ADAMTS9: variants seen among roughly 807,000 people sequenced by gnomAD.
ADAMTS9 encodes ADAM metallopeptidase with thrombospondin type 1 motif 9, also known as A disintegrin and metalloproteinase with thrombospondin motifs 9.
In ADAMTS9, 107 loss-of-function variants were observed where a neutral mutation model predicts 257.1. The observed-to-expected ratio is 0.42, with a 90% CI of 0.36 to 0.49. The LOEUF is 0.49. Among genes scored for constraint, ADAMTS9 ranks in the 20% least tolerant of loss-of-function variants. The pLI is 0.03. For synonymous variants in ADAMTS9, 982 were observed against 880.9 expected (o/e 1.11, Z -2.03); for missense variants, 2,353 against 2,469.1 (o/e 0.95, Z 1.00).
chr3:64,615,919 G>C (rs377440432), intron 20 of ADAMTS9, 41 bp downstream of exon 20: 4 of 1,608,932 alleles, frequency 2.5e-6, no homozygotes, highest in Non-Finnish European at 3.4e-6. Context: ...CAACTAATCA[G>C]ACAGCATCCA....
At position 64,551,029 on chromosome 3, in the gene ADAMTS9, G is replaced by A. The variant is rs1485575044; in HGVS notation, c.4732C>T (p.Arg1578Cys). 3 of 1,613,990 alleles carry A rather than the reference G, an allele frequency of 1.9e-6. No homozygotes were observed. The highest frequency in any genetic ancestry group is 1.3e-5 in the African/African-American group (1 of 74,924). ...TKTCGEGSRY[R>C]KVVCVDDNKN... Reference sequence around the variant, plus strand: ...TTGTCATCCACACACACCACCTTGCGGTACCTGGAGCCTTCGCCGCAGGTC... The same window carrying A: ...TTGTCATCCACACACACCACCTTGCAGTACCTGGAGCCTTCGCCGCAGGTC... The change falls in exon 31 of 40, where the codon CGC (arginine) becomes TGC (cysteine). Residue 1578 changes from arginine (R) to cysteine (C), a missense_variant. By Grantham distance (180) the Arg-to-Cys change is radical. This residue lies in a region of ADAMTS9 where 1,402 missense variants were observed against 1,441.4 expected (regional missense o/e 0.97). Coordinates refer to ENST00000498707, the MANE Select transcript of ADAMTS9 (RefSeq NM_182920.2).
intron 39 of ADAMTS9, among the ~76,000 whole-genome samples, chr3:64,521,325 A>G (rs1280411585): frequency 6.6e-6 from 1 of 152,146 alleles, no homozygotes; most frequent in African/African-American, 2.4e-5. Flanking sequence ...GCAGAGAAAA[A>G]TGGAATACAC....
At position 64,526,820 on chromosome 3, in the gene ADAMTS9, A is replaced by T. The variant is rs78576249; in HGVS notation, c.5719-4560T>A. The stretch of plus-strand genomic sequence containing the variant: ...AGGAGATAATGCATGTAATGTGCTT[A>T]GCATAGTACTTGGCCTAATATATGT... On this transcript the variant is annotated intron_variant, in intron 38 of 39. Coordinates refer to ENST00000498707, the MANE Select transcript of ADAMTS9 (RefSeq NM_182920.2). Among the ~76,000 whole-genome samples the T allele has an allele frequency of 6.4e-3, 978 of 152,328 alleles. 6 individuals are homozygous for T. Among genetic ancestry groups the T allele is most frequent in the Non-Finnish European group, 0.011 (765 of 68,020 alleles).
chr3:64,541,426 T>C lies in ADAMTS9; in HGVS notation c.5293-12A>G, dbSNP rs2083120302. ...CCCGCACAGAATATCTGAAAGACCA[T>C]AAATAACCCATGAAGAGTGGCTCAG... is the stretch of plus-strand genomic sequence containing the variant. On this transcript the variant is annotated splice_polypyrimidine_tract_variant and intron_variant, in intron 34 of 39. Transcript: ENST00000498707. The C allele has an allele frequency of 8.1e-6, 13 of 1,613,570 alleles. No homozygotes were observed. Among genetic ancestry groups the C allele is most frequent in the Non-Finnish European group, 1.1e-5 (13 of 1,179,550 alleles).
intron 30 of ADAMTS9, among the ~76,000 whole-genome samples, chr3:64,551,737 C>A (rs1285574871): frequency 6.6e-6 from 1 of 152,196 alleles, no homozygotes; most frequent in Non-Finnish European, 1.5e-5. Flanking sequence ...GACATCAGTA[C>A]CTTCCCAGAT....
At position 64,648,013 on chromosome 3, in the gene ADAMTS9, A is replaced by G. The variant is rs1234399092; in HGVS notation, c.1637T>C (p.Val546Ala). ...CCGGCAGCCTTTGTGTACTCCATTG[A>G]CGTTATTGCACCAGAGCCGTCTGCA... ...MQCRRLWCNN[V>A]NGVHKGCRTQ... Residue 546 changes from valine (V) to alanine (A), a missense_variant, in exon 11 of 40, where the codon GTC becomes GCC. Transcript: ENST00000498707. 6.2e-7 allele frequency: 1 copy of G among 1,613,264 alleles called. No individual in the cohort carries two copies. Among genetic ancestry groups the G allele is most frequent in the South Asian group, 1.1e-5 (1 of 91,058 alleles).
chr3:64,661,942 G>A (rs757336612), intron 3 of ADAMTS9, among the ~76,000 whole-genome samples: 12 of 151,406 alleles, frequency 7.9e-5, no homozygotes, highest in South Asian at 2.1e-4. Flanking sequence ...CTCAAATCTC[G>A]ATTTCTTTTC....
Position 64,541,597 on chromosome 3 carries a change from C to T in ADAMTS9, c.5221G>A (p.Glu1741Lys). Residue 1741 changes from glutamate (E) to lysine (K), a missense_variant, in exon 34 of 40, where the codon GAG (glutamate) becomes AAG (lysine). This residue lies in a region of ADAMTS9 where 1,402 missense variants were observed against 1,441.4 expected (regional missense o/e 0.97). Coordinates refer to ENST00000498707, the MANE Select transcript of ADAMTS9 (RefSeq NM_182920.2). ...CTGGCACCTTTAAGTCTTTTTACCT[C>T]CTTGCAATTCTGGGGTAACTCACCT... ...YNCELPQNCK[E>K]VKRLKGASED... 1 of 1,614,074 alleles carries T rather than the reference C, an allele frequency of 6.2e-7. No homozygotes were observed. The highest frequency in any genetic ancestry group is 1.1e-5 in the South Asian group (1 of 91,082).
chr3:64,656,031 T>C, intron 4 of ADAMTS9, 156 bp from the exon 5 acceptor site: 1 of 527,998 alleles, frequency 1.9e-6, no homozygotes, highest in South Asian at 3.3e-5. Flanking sequence ...ACACTTTTTG[T>C]AAAGTCTCTT....
chr3:64,585,247 G>C (rs1202020817), intron 28 of ADAMTS9, among the ~76,000 whole-genome samples: 2 of 152,202 alleles, frequency 1.3e-5, no homozygotes, highest in Non-Finnish European at 1.5e-5. Flanking sequence ...AGCAAACACA[G>C]TCTGCTTTTT....
At chr3:64,642,932 G>C (rs1317739828) in intron 11 of ADAMTS9, among the ~76,000 whole-genome samples, 1 of 152,172 alleles carries the variant, frequency 6.6e-6, no homozygotes, top group African/African-American at 2.4e-5. Context: ...GAAGAGGTAG[G>C]TGAAGGTCTC....
chr3:64,681,420 A>G, intron 2 of ADAMTS9, 57 bp from the exon 3 acceptor site: 2 of 1,530,910 alleles, frequency 1.3e-6, no homozygotes, highest in South Asian at 2.5e-5. Flanking sequence ...TTGGGAGGAA[A>G]AAAACCAAAA....
intron 11 of ADAMTS9, among the ~76,000 whole-genome samples, chr3:64,644,755 G>T (rs1409056837): frequency 6.6e-6 from 1 of 152,094 alleles, no homozygotes; most frequent in Non-Finnish European, 1.5e-5. Flanking sequence ...TCAGTTTCTG[G>T]ATCTCTTTAT....
At chr3:64,609,793 A>G (rs1038461018) in intron 22 of ADAMTS9, among the ~76,000 whole-genome samples, 1 of 152,196 alleles carries the variant, frequency 6.6e-6, no homozygotes, top group East Asian at 1.9e-4. Flanking sequence ...TCAAATTCAT[A>G]TGGAATGACA....
At chr3:64,539,475 G>A (rs896322393) in intron 36 of ADAMTS9, among the ~76,000 whole-genome samples, 181 bp from the exon 37 acceptor site, 1 of 152,148 alleles carries the variant, frequency 6.6e-6, no homozygotes, top group Non-Finnish European at 1.5e-5. Flanking sequence ...GCTTTTTCCT[G>A]ATTATATTTG....
At chr3:64,518,019 A>G (rs1320534227) in intron 39 of ADAMTS9, among the ~76,000 whole-genome samples, 1 of 152,222 alleles carries the variant, frequency 6.6e-6, no homozygotes, top group Non-Finnish European at 1.5e-5. Context: ...AGAGCTAAAC[A>G]GAGATATTTT....
chr3:64,522,251 G>C lies in ADAMTS9; in HGVS notation c.5728C>G (p.Arg1910Gly). The C allele has an allele frequency of 6.2e-7, 1 of 1,613,922 alleles. No individual in the cohort carries two copies. Residue 1910 changes from arginine (R) to glycine (G), a missense_variant, in exon 39 of 40, where the codon CGA (arginine) becomes GGA (glycine). Physicochemically the swap from Arg to Gly is moderately radical, Grantham distance 125. Transcript: ENST00000498707. ...SDIKKSPDGT[R>G]VVGKCGGYCG... ...TAACCACCGCATTTCCCTACGACTC[G>C]GGTACCATCCTGCAAGGAGATGCAT...
In ADAMTS9 at chr3:64,594,320, C is replaced by T; in HGVS notation, c.4294G>A (p.Glu1432Lys). The change falls in exon 28 of 40, where the codon GAG becomes AAG. Residue 1432 changes from glutamate (E) to lysine (K), a missense_variant. Physicochemically the swap from Glu to Lys is moderately conservative, Grantham distance 56 (BLOSUM62 1). Transcript: ENST00000498707. ...CEILDKPPDR[E>K]QCNTHACPHD... ...GGACAAGCATGTGTGTTACACTGCT[C>T]ACGATCGGGAGGTTTATCAAGAATT... 1.2e-6 allele frequency: 2 copies of T among 1,612,874 alleles called. No individual in the cohort carries two copies. The highest frequency in any genetic ancestry group is 1.7e-6 in the Non-Finnish European group (2 of 1,179,606).
In ADAMTS9 at chr3:64,654,458, C is replaced by T; in HGVS notation, c.1211G>A (p.Gly404Asp). The stretch of plus-strand genomic sequence containing the variant: ...ACAAATGGTTCCCAGTTCAGCCAGG[C>T]CTATTAGAAGGAAAAAAACCAACAA... ...CRAHDKCDTL[G>D]LAELGTICDP... The change falls in exon 8 of 40, where the codon GGC becomes GAC. Residue 404 changes from glycine (G) to aspartate (D), a missense_variant and splice_region_variant. Physicochemically the swap from Gly to Asp is moderately conservative, Grantham distance 94. Transcript: ENST00000498707. The T allele has an allele frequency of 6.2e-7, 1 of 1,613,670 alleles. No homozygotes were observed. Among genetic ancestry groups the T allele is most frequent in the Non-Finnish European group, 8.5e-7 (1 of 1,179,888 alleles).
Sources: gnomAD v4.1 joint callset for allele counts (sites outside exome capture counted in the v4.1 genomes callset) on GRCh38, gnomAD v4.1.1 for gene constraint, gnomAD v4.1.1 regional missense constraint, MANE v1.5 for transcripts, NCBI Gene and HGNC (gene_info 2026-07-23, HGNC 2026-07-21) for gene names.